Variants in UGGT2 observed in about 807,000 individuals in gnomAD.
UGGT2 encodes UDP-glucose glycoprotein glucosyltransferase 2.
UGGT2 carries 180 observed loss-of-function variants against 192.1 expected under a neutral mutation model. The ratio of observed to expected loss-of-function variants is 0.94; its 90% CI spans 0.83 to 1.06. The LOEUF (loss-of-function observed/expected upper bound fraction) is 1.06. Ranked by LOEUF, UGGT2 falls within the 50% of genes least tolerant of loss-of-function variation. The probability of loss-of-function intolerance (pLI) is 0.00; values close to 1 mark genes in which losing one functional copy is unlikely to be tolerated. For missense variants in UGGT2, 1,849 were observed against 1,795.7 expected (o/e 1.03, Z -0.54); for synonymous variants, 580 against 591.0 (o/e 0.98, Z 0.27).
rs763886234 is a variant in UGGT2, at chr13:95,927,056, T to C, written c.2172A>G (p.Ala724=). Residue 724 remains alanine (A), a synonymous_variant, in exon 19 of 39, where the codon GCA becomes GCG. Transcript: ENST00000376747. ...CTTGGGTTAAATAATACATGTTCTT[T>C]GCAATTACAGCACTCTTATCTTGTG... ...LDSQDKSAVI[A]KNMYYLTQDD... 1.9e-6 allele frequency: 3 copies of C among 1,610,290 alleles called. No homozygotes were observed. Among genetic ancestry groups the C allele is most frequent in the Non-Finnish European group, 2.5e-6 (3 of 1,178,912 alleles).
rs184952406 is a variant in UGGT2 at position 95,956,135 on chromosome 13, G to C, written c.1336-6681C>G. Among the ~76,000 whole-genome samples the C allele has an allele frequency of 1.1e-4, 17 of 152,198 alleles. No homozygotes were observed. In the East Asian group the frequency reaches 3.3e-3, roughly 29 times the overall value. ...CTTGATAAAGAAGTATAAAGTTGGA[G>C]AACTCACACCTCTTGATTTCAAAAC... On this transcript the variant is annotated intron_variant, in intron 12 of 38. Coordinates refer to ENST00000376747, the MANE Select transcript of UGGT2 (RefSeq NM_020121.4).
rs1444901118 is a variant in UGGT2 at position 95,854,421 on chromosome 13, A to T, written c.4063T>A (p.Tyr1355Asn). 1 of 1,613,452 alleles carries T rather than the reference A, an allele frequency of 6.2e-7. No homozygotes were observed. Among genetic ancestry groups the T allele is most frequent in the East Asian group, 2.2e-5 (1 of 44,852 alleles). ...LRDFDLDGAP[Y>N]GYTPFCDSRR... ...CTATCACAAAATGGAGTATACCCAT[A>T]AGGAGCTCCATCCAGATCGAAATCT... Residue 1355 changes from tyrosine (Y) to asparagine (N), a missense_variant, in exon 35 of 39, where the codon TAT becomes AAT. By Grantham distance (143) the Tyr-to-Asn change is moderately radical (BLOSUM62 -2). Transcript: ENST00000376747.
At chr13:95,998,818 A>T (rs2051706494) in intron 6 of UGGT2, among the ~76,000 whole-genome samples, 2 of 152,112 alleles carry the variant, frequency 1.3e-5, no homozygotes, top group South Asian at 4.1e-4. Context: ...ATTTCATTTC[A>T]AATAAATATT....
intron 20 of UGGT2, among the ~76,000 whole-genome samples, chr13:95,915,883 G>A (rs2140371886): frequency 6.6e-6 from 1 of 152,322 alleles, no homozygotes; most frequent in South Asian, 2.1e-4. Context: ...GGATTATAAA[G>A]ACAGAGCTTT....
Position 95,855,735 on chromosome 13 carries a change from T to C in UGGT2, c.4008+423A>G, listed in dbSNP as rs1174652789. On this transcript the variant is annotated intron_variant, in intron 34 of 38. Transcript: ENST00000376747. ...AGAGTGATGAGAATTTGGTTATTGG[T>C]TGAATGCGAAAGAATGCTGTTGAAG... 2.6e-5 allele frequency among the ~76,000 whole-genome samples: 4 copies of C among 152,158 alleles called. No individual in the cohort carries two copies. In the East Asian group the frequency reaches 5.8e-4, roughly 22 times the overall value.
intron 24 of UGGT2, 116 bp from the exon 25 acceptor site, chr13:95,891,080 A>C: frequency 1.4e-6 from 1 of 694,484 alleles, no homozygotes; most frequent in Admixed American, 3.3e-5. Flanking sequence ...AAATTGTAAA[A>C]TACTGGTTAT....
intron 15 of UGGT2, among the ~76,000 whole-genome samples, chr13:95,944,519 G>A (rs2049799863): frequency 6.6e-6 from 1 of 151,996 alleles, no homozygotes; most frequent in South Asian, 2.1e-4. Context: ...TAAGAGTCTG[G>A]AAGTTTATAC....
intron 20 of UGGT2, among the ~76,000 whole-genome samples, chr13:95,923,048 C>T (rs904526231): frequency 1.3e-5 from 2 of 151,972 alleles, no homozygotes; most frequent in Non-Finnish European, 2.9e-5. Context: ...ATATTCAGTA[C>T]GTTCTTTTCT....
intron 24 of UGGT2, among the ~76,000 whole-genome samples, 181 bp from the exon 25 acceptor site, chr13:95,891,145 A>G (rs1406112095): frequency 6.6e-6 from 1 of 152,186 alleles, no homozygotes; most frequent in Admixed American, 6.5e-5. Context: ...ACAAAACTGA[A>G]AAGAATGAGA....
chr13:95,837,254 G>A lies in UGGT2; in HGVS notation c.4285-52C>T, dbSNP rs531561016. On this transcript the variant is annotated intron_variant, in intron 36 of 38. Coordinates refer to ENST00000376747, the MANE Select transcript of UGGT2 (RefSeq NM_020121.4). ...GACGTATGAAATTTAGAGTCAGAAG[G>A]AAAGAAGCTGAATGAAGTAAGACAT... 6.5e-5 allele frequency: 81 copies of A among 1,246,682 alleles called. No individual in the cohort carries two copies. In the African/African-American group the frequency reaches 1.1e-3, roughly 17 times the overall value. 77.2% of individuals were successfully genotyped at this position (1,246,682 alleles called of 1,614,324 possible). A position where few individuals can be genotyped will look rare whatever the true frequency, so the allele number is the denominator to read the frequency against.
chr13:95,840,771 A>G (rs1235308140), intron 36 of UGGT2, among the ~76,000 whole-genome samples: 2 of 152,180 alleles, frequency 1.3e-5, no homozygotes, highest in East Asian at 1.9e-4. Flanking sequence ...CCGCAGCACT[A>G]TTTACAATAG....
intron 29 of UGGT2, chr13:95,876,874 C>CATTTTTTTTTTTTTTTTT (rs1891732201): frequency 1.3e-5 from 1 of 75,754 alleles, no homozygotes; most frequent in African/African-American, 5.1e-5. Context: ...ACTCAGTCAT[C>CATTTTTTTTTTTTTTTTT]TTTTTTTTTT....
chr13:95,958,593 T>C (rs1418508192), intron 12 of UGGT2, among the ~76,000 whole-genome samples: 1 of 150,036 alleles, frequency 6.7e-6, no homozygotes, highest in Non-Finnish European at 1.5e-5. Context: ...CCCCTTAAGA[T>C]CTTTTTTTTT....
intron 12 of UGGT2, among the ~76,000 whole-genome samples, chr13:95,959,355 C>A (rs888698181): frequency 7.9e-5 from 12 of 152,300 alleles, no homozygotes; most frequent in Non-Finnish European, 1.0e-4. Context: ...AGTAGCAGAA[C>A]AGCAGCACAG....
intron 34 of UGGT2, among the ~76,000 whole-genome samples, chr13:95,855,366 C>A (rs1889491624): frequency 6.6e-6 from 1 of 151,860 alleles, no homozygotes; most frequent in South Asian, 2.1e-4. Context: ...TTACATATTA[C>A]TTTTTTCTTA....
Position 95,863,663 on chromosome 13 carries a change from C to T in UGGT2, c.3610G>A (p.Glu1204Lys), listed in dbSNP as rs1454218497. 11 of 1,612,406 alleles carry T rather than the reference C, an allele frequency of 6.8e-6. No individual in the cohort carries two copies. In the South Asian group the frequency reaches 9.9e-5, roughly 14 times the overall value. The change falls in exon 31 of 39, where the codon GAA becomes AAA. Residue 1204 changes from glutamate to lysine, a missense_variant. Physicochemically the swap from Glu to Lys is moderately conservative, Grantham distance 56. Coordinates refer to ENST00000376747, the MANE Select transcript of UGGT2 (RefSeq NM_020121.4). The part of the protein sequence containing the change: ...IKEDILTDED[E>K]KTKGLWDSIK... ...GAATCCCACAGTCCTTTTGTTTTTTCATCTTCATCGGTAAGGATATCTTCC... is the reference window on the plus strand; with the variant it reads ...GAATCCCACAGTCCTTTTGTTTTTTTATCTTCATCGGTAAGGATATCTTCC...
intron 27 of UGGT2, among the ~76,000 whole-genome samples, chr13:95,883,679 G>A (rs150078927): frequency 1.3e-5 from 2 of 152,182 alleles, no homozygotes; most frequent in East Asian, 3.9e-4. Flanking sequence ...ATTGCTTCTG[G>A]AGGCCTCCCT....
intron 37 of UGGT2, among the ~76,000 whole-genome samples, chr13:95,834,384 G>A (rs548705914): frequency 6.6e-6 from 1 of 152,132 alleles, no homozygotes; most frequent in African/African-American, 2.4e-5. Flanking sequence ...GTGGACAGAG[G>A]CCAGAAATGC....
At chr13:95,969,534 GA>G (rs199946172) in intron 12 of UGGT2, among the ~76,000 whole-genome samples, 10 of 151,022 alleles carry the variant, frequency 6.6e-5, no homozygotes, top group Non-Finnish European at 1.2e-4. Context: ...ACTGGATAGA[GA>G]AAAAAAAAGT....
Sources: allele counts gnomAD v4.1 joint callset (sites outside exome capture counted in the v4.1 genomes callset), GRCh38; gene constraint gnomAD v4.1.1; transcripts MANE v1.5; gene names NCBI Gene and HGNC (gene_info 2026-07-23, HGNC 2026-07-21).